PCDHA6: variants seen among roughly 807,000 people sequenced by gnomAD.
PCDHA6 encodes protocadherin alpha-6.
In PCDHA6, 55 loss-of-function variants were observed where a neutral mutation model predicts 60.3. The observed-to-expected ratio is 0.91, with a 90% CI of 0.73 to 1.14. The LOEUF is 1.14. Ranked by LOEUF, PCDHA6 falls within the 50% of genes most tolerant of loss-of-function variation. The pLI, the probability that PCDHA6 is intolerant of heterozygous loss-of-function variation, is 0.00. For missense variants in PCDHA6, 1,327 were observed against 1,256.5 expected (o/e 1.06, Z -0.85); for synonymous variants, 652 against 557.9 (o/e 1.17, Z -2.38).
Position 140,928,600 on chromosome 5 carries a change from G to C in PCDHA6, c.2395-50349G>C, listed in dbSNP as rs144698541. ...AAATGGTTCTGTCCCAGTGGAAATT[G>C]TGCCCCGCTCTGCCAGGACTGGACA... On this transcript the variant is annotated intron_variant, in intron 1 of 3. Coordinates refer to ENST00000529310, the MANE Select transcript of PCDHA6 (RefSeq NM_018909.4). 3.1e-6 allele frequency: 5 copies of C among 1,614,090 alleles called. No homozygotes were observed. In the African/African-American group the frequency reaches 6.7e-5, roughly 22 times the overall value.
intron 1 of PCDHA6, among the ~76,000 whole-genome samples, chr5:140,922,126 G>A (rs1206223275): frequency 1.3e-5 from 2 of 151,970 alleles, no homozygotes; most frequent in Non-Finnish European, 2.9e-5. Flanking sequence ...ACCTTTAAAT[G>A]TCTCTTATCC....
intron 1 of PCDHA6, among the ~76,000 whole-genome samples, chr5:140,880,638 T>C (rs1239160653): frequency 6.6e-6 from 1 of 152,134 alleles, no homozygotes; most frequent in Non-Finnish European, 1.5e-5. Flanking sequence ...ATCAATTCAC[T>C]TGAGAGCCCA....
At chr5:140,851,120 T>C (rs1052387301) in intron 1 of PCDHA6, 3 of 1,307,570 alleles carry the variant, frequency 2.3e-6, no homozygotes, top group Non-Finnish European at 2.0e-6. Flanking sequence ...ATCAATTTTA[T>C]TTAAATTTGT....
At chr5:140,999,454 A>G (rs1467435215) in intron 3 of PCDHA6, among the ~76,000 whole-genome samples, 1 of 152,206 alleles carries the variant, frequency 6.6e-6, no homozygotes, top group African/African-American at 2.4e-5. Context: ...CGTTCAACGA[A>G]TAAGTGGTGA....
chr5:140,837,936 C>T (rs1775324254), intron 1 of PCDHA6, among the ~76,000 whole-genome samples: 1 of 151,834 alleles, frequency 6.6e-6, no homozygotes, highest in Non-Finnish European at 1.5e-5. Context: ...ACCTTGGCCT[C>T]CCAAAGTATT....
At chr5:140,954,014 A>T (rs782347890) in intron 1 of PCDHA6, among the ~76,000 whole-genome samples, 1 of 152,038 alleles carries the variant, frequency 6.6e-6, no homozygotes, top group Non-Finnish European at 1.5e-5. Context: ...CAGCTCCCAC[A>T]CATAGTGGGA....
intron 1 of PCDHA6, among the ~76,000 whole-genome samples, chr5:140,885,031 AT>A (rs1165183992): frequency 6.6e-6 from 1 of 152,198 alleles, no homozygotes; most frequent in Non-Finnish European, 1.5e-5. Flanking sequence ...AATTTAAAAA[AT>A]TTTTAGTTTA....
chr5:140,890,594 T>A (rs1439050160), intron 1 of PCDHA6, among the ~76,000 whole-genome samples: 1 of 152,150 alleles, frequency 6.6e-6, no homozygotes, highest in East Asian at 1.9e-4. Context: ...GAAGCCCTTT[T>A]CCGAATAGCT....
At chr5:140,858,197 A>G (rs782680459) in intron 1 of PCDHA6, 4 of 1,597,058 alleles carry the variant, frequency 2.5e-6, no homozygotes, top group Non-Finnish European at 2.6e-6. Flanking sequence ...GCTGCTGTAC[A>G]CTGCACTGAG....
chr5:140,906,595 C>T (rs1341854347), intron 1 of PCDHA6, among the ~76,000 whole-genome samples: 1 of 152,218 alleles, frequency 6.6e-6, no homozygotes, highest in Non-Finnish European at 1.5e-5. Context: ...CCTTCCTCTA[C>T]TACTCATTCT....
chr5:140,955,595 A>G (rs1366870361), intron 1 of PCDHA6, among the ~76,000 whole-genome samples: 1 of 152,194 alleles, frequency 6.6e-6, no homozygotes, highest in Admixed American at 6.5e-5. Context: ...TCTTTCTTTT[A>G]TAAATTACCC....
intron 1 of PCDHA6, among the ~76,000 whole-genome samples, chr5:140,923,825 G>A (rs2081532169): frequency 6.6e-6 from 1 of 152,224 alleles, no homozygotes; most frequent in East Asian, 1.9e-4. Context: ...ATAGACGTCA[G>A]TGGCAGTTTA....
At chr5:140,910,072 T>A (rs546252378) in intron 1 of PCDHA6, among the ~76,000 whole-genome samples, 359 of 152,300 alleles carry the variant, frequency 2.4e-3, no homozygotes, top group African/African-American at 8.0e-3. Flanking sequence ...ACAGCGTAAA[T>A]TGTTGTCAAG....
chr5:140,887,045 T>C (rs2061271952), intron 1 of PCDHA6, among the ~76,000 whole-genome samples: 1 of 152,108 alleles, frequency 6.6e-6, no homozygotes, highest in Non-Finnish European at 1.5e-5. Context: ...TTTTTTATAG[T>C]GCATATGTTC....
intron 1 of PCDHA6, among the ~76,000 whole-genome samples, chr5:140,956,546 G>A (rs1330264002): frequency 1.3e-5 from 2 of 152,158 alleles, no homozygotes; most frequent in Non-Finnish European, 2.9e-5. Flanking sequence ...GCTGGATTTG[G>A]TTTGCCAGTA....
chr5:140,885,083 C>T (rs1359793188), intron 1 of PCDHA6, among the ~76,000 whole-genome samples: 3 of 151,992 alleles, frequency 2.0e-5, no homozygotes, highest in Admixed American at 6.5e-5. Context: ...TAAAGAGCCC[C>T]ATAACTTTTC....
rs185275722 is a variant in PCDHA6 at position 140,880,200 on chromosome 5, G to A, written c.2394+49715G>A. Among the ~76,000 whole-genome samples the A allele has an allele frequency of 2.9e-3, 441 of 152,242 alleles. 2 individuals are homozygous for A. The highest frequency in any genetic ancestry group is 9.7e-3 in the African/African-American group (402 of 41,548). ...TGAAGGGAAAAAGATAAACAGAAGA[G>A]GTTTTCCACCAGAAGTAGAACATTT... is the stretch of plus-strand genomic sequence containing the variant. On this transcript the variant is annotated intron_variant, in intron 1 of 3. Coordinates refer to ENST00000529310, the MANE Select transcript of PCDHA6 (RefSeq NM_018909.4).
chr5:140,887,101 CT>C (rs200717289), intron 1 of PCDHA6, among the ~76,000 whole-genome samples: 3,245 of 145,086 alleles, frequency 0.022, 87 homozygotes, highest in African/African-American at 0.074. Flanking sequence ...ATCTTTATCT[CT>C]TTTTTTTTTT....
chr5:140,836,220 C>A lies in PCDHA6; in HGVS notation c.2394+5735C>A, dbSNP rs2150255697. The stretch of plus-strand genomic sequence containing the variant: ...CGCGTGGCTTTCGTATGAGTTGCAA[C>A]CGGTGGCGGCCGGTGCGAGCATCCC... On this transcript the variant is annotated intron_variant, in intron 1 of 3. Coordinates refer to ENST00000529310, the MANE Select transcript of PCDHA6 (RefSeq NM_018909.4). The A allele has an allele frequency of 4.3e-6, 7 of 1,613,810 alleles. No homozygotes were observed. The Admixed American group carries it at 1.2e-4, about 27-fold the overall frequency.
Sources: allele counts gnomAD v4.1 joint callset (sites outside exome capture counted in the v4.1 genomes callset), GRCh38; gene constraint gnomAD v4.1.1; transcripts MANE v1.5; gene names NCBI Gene and HGNC (gene_info 2026-07-23, HGNC 2026-07-21).